The following ZNF75D variants were observed in gnomAD, a reference collection of about 807,000 sequenced individuals.
ZNF75D encodes zinc finger protein 75D.
A neutral mutation model predicts 33.3 loss-of-function variants in ZNF75D; 33 were observed. The observed-to-expected ratio is 0.99, with a 90% CI of 0.75 to 1.32. ZNF75D has a LOEUF of 1.32. Among genes scored for constraint, ZNF75D ranks in the 40% most tolerant of loss-of-function variants. The pLI is 0.00. For missense variants in ZNF75D, 338 were observed against 367.5 expected (o/e 0.92, Z 0.66); for synonymous variants, 113 against 130.6 (o/e 0.87, Z 0.92).
At chrX:135,327,439 A>G (rs1048634313) in intron 1 of ZNF75D, among the ~76,000 whole-genome samples, 6 of 112,194 alleles carry the variant, frequency 5.3e-5, no homozygotes, top group Admixed American at 4.7e-4. Flanking sequence ...TTAAGTGCCA[A>G]CAGGAGTCAT....
At chrX:135,306,908 T>C (rs1302129167) in intron 1 of ZNF75D, among the ~76,000 whole-genome samples, 3 of 111,435 alleles carry the variant, frequency 2.7e-5, no homozygotes, top group Non-Finnish European at 5.7e-5. Context: ...AGATGGGGTC[T>C]CCGTATGTTA....
intron 1 of ZNF75D, among the ~76,000 whole-genome samples, chrX:135,263,561 A>G (rs2083851433): frequency 8.9e-6 from 1 of 112,728 alleles, no homozygotes; most frequent in Admixed American, 9.3e-5. Flanking sequence ...TGTTTCGCAG[A>G]TCGAACTCAG....
intron 1 of ZNF75D, among the ~76,000 whole-genome samples, chrX:135,331,409 A>G (rs1556440505): frequency 9.1e-6 from 1 of 110,072 alleles, no homozygotes; most frequent in East Asian, 2.9e-4. Context: ...AAAAAAAGCT[A>G]AAGGACTGGG....
intron 1 of ZNF75D, among the ~76,000 whole-genome samples, chrX:135,279,065 T>C (rs2083910358): frequency 8.9e-6 from 1 of 111,792 alleles, no homozygotes; most frequent in African/African-American, 3.3e-5. Context: ...GAAGGAAGGG[T>C]ACCAGCTCTT....
In ZNF75D at chrX:135,293,744, C is replaced by T. The variant is rs781973546; in HGVS notation, c.397G>A (p.Gly133Arg). The T allele has an allele frequency of 3.2e-5, 37 of 1,174,571 alleles. No homozygotes were observed. The South Asian group carries it at 6.2e-4, about 20-fold the overall frequency. Residue 133 changes from glycine (G) to arginine (R), a missense_variant, in exon 3 of 7, where the codon GGA (glycine) becomes AGA (arginine). Physicochemically the swap from Gly to Arg is moderately radical, Grantham distance 125. Coordinates refer to ENST00000370766, the MANE Select transcript of ZNF75D (RefSeq NM_007131.5). ...TTTCTTCTTACCTCATTCTTTGTTC[C>T]ATCAGGCTCCCTCTGCAAGAATTCC... Reference protein sequence around the residue: ...LVEFLQREPDGTKNEVTAHEL... With the variant: ...LVEFLQREPDRTKNEVTAHEL...
chrX:135,321,063 A>G (rs2084489630), intron 1 of ZNF75D, among the ~76,000 whole-genome samples: 1 of 112,096 alleles, frequency 8.9e-6, no homozygotes, highest in Non-Finnish European at 1.9e-5. Context: ...CAAGGCACTG[A>G]CACCTGGTCT....
chrX:135,300,057 T>C (rs2084193012), intron 1 of ZNF75D, among the ~76,000 whole-genome samples: 1 of 112,390 alleles, frequency 8.9e-6, no homozygotes, highest in South Asian at 3.6e-4. Flanking sequence ...ATGAATCTTA[T>C]ATCTTTGTTC....
chrX:135,330,655 C>T (rs1344209006), intron 1 of ZNF75D: 1 of 112,706 alleles, frequency 8.9e-6, no homozygotes, highest in African/African-American at 3.2e-5. Flanking sequence ...ACGTGACTTA[C>T]AAGCACATGC....
At chrX:135,276,113 G>A (rs1217054756) in intron 1 of ZNF75D, among the ~76,000 whole-genome samples, 1 of 111,349 alleles carries the variant, frequency 9.0e-6, no homozygotes, top group Non-Finnish European at 1.9e-5. Context: ...TGTGCAAATT[G>A]GTTAAATGAA....
intron 1 of ZNF75D, among the ~76,000 whole-genome samples, chrX:135,276,430 C>T (rs1173516834): frequency 4.5e-5 from 5 of 111,993 alleles, no homozygotes; most frequent in African/African-American, 1.3e-4. Flanking sequence ...ATATTGATTT[C>T]ATTTCCTTTG....
At chrX:135,279,783 G>A (rs782605065) in intron 1 of ZNF75D, among the ~76,000 whole-genome samples, 83 of 112,018 alleles carry the variant, frequency 7.4e-4, no homozygotes, top group African/African-American at 2.5e-3. Flanking sequence ...CAATTTCCAT[G>A]TAGTTGTGAG....
At chrX:135,319,579 T>C (rs1405618447) in intron 1 of ZNF75D, among the ~76,000 whole-genome samples, 1 of 112,099 alleles carries the variant, frequency 8.9e-6, no homozygotes, top group Non-Finnish European at 1.9e-5. Context: ...AGTGGTCTTT[T>C]TTGGCCATTA....
intron 1 of ZNF75D, among the ~76,000 whole-genome samples, chrX:135,306,356 T>C (rs2084286839): frequency 9.1e-6 from 1 of 110,461 alleles, no homozygotes; most frequent in Admixed American, 9.7e-5. Context: ...AAAAGCTTTG[T>C]GACAATTTGT....
In ZNF75D at chrX:135,314,601, C is replaced by T. The variant is rs142702707; in HGVS notation, c.-390-18562G>A. Among the ~76,000 whole-genome samples the T allele has an allele frequency of 8.2e-4, 91 of 111,331 alleles. 1 individual carries two copies. The highest frequency in any genetic ancestry group is 9.3e-3 in the Middle Eastern group (2 of 215). On this transcript the variant is annotated intron_variant, in intron 1 of 6. Transcript: ENST00000370766. ...TGGTAGAATTCAGCAATGAACCTAT[C>T]CAACCCCAGACTTTTCTTTGTTGGG... is the stretch of plus-strand genomic sequence containing the variant.
At chrX:135,262,386 G>C (rs782236738) in intron 1 of ZNF75D, among the ~76,000 whole-genome samples, 2 of 112,122 alleles carry the variant, frequency 1.8e-5, no homozygotes, top group African/African-American at 6.5e-5. Context: ...CCTGAAGAGT[G>C]TTTTCCAACT....
chrX:135,326,760 G>T (rs2084584096), intron 1 of ZNF75D, among the ~76,000 whole-genome samples: 1 of 110,334 alleles, frequency 9.1e-6, no homozygotes, highest in Non-Finnish European at 1.9e-5. Context: ...CTCCAGATGC[G>T]CTGCCTTAAG....
At chrX:135,312,065 T>C (rs1299985090) in intron 1 of ZNF75D, among the ~76,000 whole-genome samples, 1 of 111,511 alleles carries the variant, frequency 9.0e-6, no homozygotes, top group Non-Finnish European at 1.9e-5. Context: ...ATAGTCGCCT[T>C]ACTTTGTTAT....
At chrX:135,257,908 C>T (rs1157468249) in intron 1 of ZNF75D, among the ~76,000 whole-genome samples, 1 of 109,963 alleles carries the variant, frequency 9.1e-6, no homozygotes, top group Non-Finnish European at 1.9e-5. Context: ...GTTTGCTGCA[C>T]CCATCAACTC....
intron 1 of ZNF75D, among the ~76,000 whole-genome samples, chrX:135,329,275 T>A (rs994218553): frequency 1.1e-4 from 12 of 110,637 alleles, no homozygotes; most frequent in Admixed American, 1.9e-4. Context: ...CATGCCTTTT[T>A]AAAAATTATT....
Sources: gnomAD v4.1 joint callset for allele counts (sites outside exome capture counted in the v4.1 genomes callset) on GRCh38, gnomAD v4.1.1 for gene constraint, MANE v1.5 for transcripts, NCBI Gene and HGNC (gene_info 2026-07-23, HGNC 2026-07-21) for gene names.